SUMF1: variants seen among roughly 807,000 people sequenced by gnomAD.
SUMF1 encodes formylglycine-generating enzyme.
SUMF1 carries 48 observed loss-of-function variants against 47.6 expected under a neutral mutation model. That is an observed-to-expected ratio of 1.01 (90% confidence interval 0.80 to 1.28). The LOEUF is 1.28. SUMF1 is among the 50% of genes most tolerant of loss of function. The probability of loss-of-function intolerance (pLI) is 0.00; values close to 1 mark genes in which losing one functional copy is unlikely to be tolerated. For missense variants in SUMF1, 571 were observed against 485.4 expected (o/e 1.18, Z -1.66); for synonymous variants, 230 against 192.1 (o/e 1.20, Z -1.63).
chr3:4,278,092 G>A (rs1316645130), intron 8 of SUMF1, among the ~76,000 whole-genome samples: 1 of 151,998 alleles, frequency 6.6e-6, no homozygotes, highest in Admixed American at 6.6e-5. Context: ...ACCCAGATTT[G>A]TTTGGCTGAT....
At chr3:4,186,157 C>A (rs899698603) in intron 8 of SUMF1, among the ~76,000 whole-genome samples, 1 of 152,010 alleles carries the variant, frequency 6.6e-6, no homozygotes, top group Non-Finnish European at 1.5e-5. Flanking sequence ...TCCTTGGTAC[C>A]AAGACATAAA....
In SUMF1 at chr3:4,454,055, T is replaced by C. The variant is rs75623598; in HGVS notation, c.271-1006A>G. Among the ~76,000 whole-genome samples the C allele has an allele frequency of 2.4e-3, 371 of 152,338 alleles. 1 individual carries two copies. The highest frequency in any genetic ancestry group is 8.6e-3 in the African/African-American group (358 of 41,574). On this transcript the variant is annotated intron_variant, in intron 1 of 8. Coordinates refer to ENST00000272902, the MANE Select transcript of SUMF1 (RefSeq NM_182760.4). Reference sequence around the variant, plus strand: ...ACATGTAAAAATGCAATCTATAATATCTTTAAATAACCACTGCATGAATTT... The same window carrying C: ...ACATGTAAAAATGCAATCTATAATACCTTTAAATAACCACTGCATGAATTT...
intron 8 of SUMF1, among the ~76,000 whole-genome samples, chr3:4,085,927 A>C: frequency 6.6e-6 from 1 of 152,120 alleles, no homozygotes; most frequent in Admixed American, 6.6e-5. Flanking sequence ...AAAAAGAACA[A>C]ATACTCAAAC....
At chr3:4,432,887 C>CCT (rs1702279674) in intron 3 of SUMF1, among the ~76,000 whole-genome samples, 1 of 152,120 alleles carries the variant, frequency 6.6e-6, no homozygotes. Flanking sequence ...TGAAAAAAGT[C>CCT]CTCTGTTCCT....
chr3:4,211,989 G>C (rs1435914917), intron 8 of SUMF1, among the ~76,000 whole-genome samples: 1 of 152,200 alleles, frequency 6.6e-6, no homozygotes, highest in Non-Finnish European at 1.5e-5. Context: ...GGAAGGGGTG[G>C]CTGTGGGCAC....
chr3:4,250,728 A>T (rs192436038), intron 8 of SUMF1, among the ~76,000 whole-genome samples: 41 of 152,274 alleles, frequency 2.7e-4, no homozygotes, highest in African/African-American at 7.2e-4. Context: ...AATTATGCTA[A>T]TTCTAATCTG....
At chr3:4,058,626 G>A in intron 9 of SUMF1, among the ~76,000 whole-genome samples, 1 of 152,110 alleles carries the variant, frequency 6.6e-6, no homozygotes, top group East Asian at 1.9e-4. Flanking sequence ...AATCATATAG[G>A]AGATGAGTTC....
At chr3:4,322,673 G>A (rs1009680566) in intron 8 of SUMF1, among the ~76,000 whole-genome samples, 3 of 150,818 alleles carry the variant, frequency 2.0e-5, no homozygotes, top group Non-Finnish European at 3.0e-5. Context: ...AAAAAAAAAA[G>A]AAAGAAAAAA....
chr3:4,240,362 T>A (rs1015620926), intron 8 of SUMF1, among the ~76,000 whole-genome samples: 3 of 152,104 alleles, frequency 2.0e-5, no homozygotes, highest in Non-Finnish European at 4.4e-5. Context: ...GTACCTCTGG[T>A]AGAATTCAGG....
intron 8 of SUMF1, among the ~76,000 whole-genome samples, chr3:4,095,649 C>G (rs1316268382): frequency 1.3e-5 from 2 of 151,918 alleles, no homozygotes; most frequent in Non-Finnish European, 2.9e-5. Flanking sequence ...CTACCATAAG[C>G]AGAACAATAT....
chr3:4,181,016 C>T (rs1340949336), intron 8 of SUMF1, among the ~76,000 whole-genome samples: 1 of 152,088 alleles, frequency 6.6e-6, no homozygotes, highest in Non-Finnish European at 1.5e-5. Context: ...GTTAGTGAAT[C>T]AAGTAGCTGG....
intron 3 of SUMF1, 47 bp downstream of exon 3, chr3:4,449,219 T>C: frequency 6.2e-7 from 1 of 1,608,352 alleles, no homozygotes; most frequent in Non-Finnish European, 8.5e-7. Flanking sequence ...CAAACCCTTT[T>C]CAATGAGCCT....
At chr3:4,075,417 G>T (rs748451309) in intron 8 of SUMF1, among the ~76,000 whole-genome samples, 6 of 151,962 alleles carry the variant, frequency 3.9e-5, no homozygotes, top group Non-Finnish European at 7.4e-5. Context: ...GCATTCCCTT[G>T]GAAAACTGGC....
rs1057517363 is a variant in SUMF1 at position 4,417,229 on chromosome 3, C to G, written c.739G>C (p.Gly247Arg). 6.2e-7 allele frequency: 1 copy of G among 1,613,862 alleles called. No homozygotes were observed. The highest frequency in any genetic ancestry group is 8.5e-7 in the Non-Finnish European group (1 of 1,179,898). ...TGGCCTTTGGGCTGCAGTTTGTTGC[C>G]CCAGGGGAAAAGTCTGTCAGAAGAG... Reference protein sequence around the residue: ...GGLHNRLFPWGNKLQPKGQHY... With the variant: ...GGLHNRLFPWRNKLQPKGQHY... Residue 247 changes from glycine to arginine, a missense_variant, in exon 6 of 9, where the codon GGC (glycine) becomes CGC (arginine). Coordinates refer to ENST00000272902, the MANE Select transcript of SUMF1 (RefSeq NM_182760.4).
intron 8 of SUMF1, among the ~76,000 whole-genome samples, chr3:4,160,920 T>C (rs1396836740): frequency 6.6e-6 from 1 of 152,146 alleles, no homozygotes; most frequent in African/African-American, 2.4e-5. Context: ...GAGTTATTTA[T>C]TGTAGTCTTC....
intron 8 of SUMF1, among the ~76,000 whole-genome samples, chr3:4,243,503 C>T (rs914472471): frequency 1.3e-5 from 2 of 152,086 alleles, no homozygotes; most frequent in African/African-American, 4.8e-5. Flanking sequence ...TTATTTCTGC[C>T]TTCATTTCGT....
chr3:4,244,988 G>C (rs970202754), intron 8 of SUMF1, among the ~76,000 whole-genome samples: 8 of 151,400 alleles, frequency 5.3e-5, no homozygotes, highest in Non-Finnish European at 8.8e-5. Context: ...TCATTAATTT[G>C]ATCTTCAATC....
intron 3 of SUMF1, among the ~76,000 whole-genome samples, chr3:4,425,331 T>G (rs551363064): frequency 7.2e-5 from 11 of 152,302 alleles, no homozygotes; most frequent in African/African-American, 2.6e-4. Flanking sequence ...TTATAAGGAT[T>G]AAATTTAAAA....
chr3:4,462,428 G>A (rs897111751), intron 1 of SUMF1, among the ~76,000 whole-genome samples: 75 of 152,344 alleles, frequency 4.9e-4, no homozygotes, highest in Admixed American at 4.8e-3. Context: ...CCTTGGAGAT[G>A]CTGCCTGAGG....
Sources: allele counts gnomAD v4.1 joint callset (sites outside exome capture counted in the v4.1 genomes callset), GRCh38; gene constraint gnomAD v4.1.1; transcripts MANE v1.5; gene names NCBI Gene and HGNC (gene_info 2026-07-23, HGNC 2026-07-21).